The following ZNF592 variants were observed in gnomAD, a reference collection of about 807,000 sequenced individuals.
ZNF592 encodes spinocerebellar ataxia, autosomal recessive 5.
Under a neutral mutation model 80.3 loss-of-function variants are expected in ZNF592, and 11 were observed. The ratio of observed to expected loss-of-function variants is 0.14; its 90% CI spans 0.09 to 0.23. ZNF592 has a LOEUF of 0.23. Among genes scored for constraint, ZNF592 ranks in the 10% least tolerant of loss-of-function variants. The pLI is 1.00. For synonymous variants in ZNF592, 646 were observed against 640.3 expected (o/e 1.01, Z -0.13); for missense variants, 1,420 against 1,633.9 (o/e 0.87, Z 2.26).
chr15:84,787,782 C>A (rs981530143), intron 4 of ZNF592, among the ~76,000 whole-genome samples: 1 of 152,142 alleles, frequency 6.6e-6, no homozygotes, highest in African/African-American at 2.4e-5. Flanking sequence ...CAAAAAATGT[C>A]TTTTTACAGT....
At chr15:84,768,785 A>G (rs995508058) in intron 2 of ZNF592, among the ~76,000 whole-genome samples, 2 of 152,232 alleles carry the variant, frequency 1.3e-5, no homozygotes, top group Non-Finnish European at 2.9e-5. Context: ...GCGAGGTCCC[A>G]TAACCACTGA....
chr15:84,755,919 C>T lies in ZNF592; in HGVS notation c.-259+7255C>T, dbSNP rs190320926. On this transcript the variant is annotated intron_variant, in intron 1 of 10. Coordinates refer to ENST00000560079, the MANE Select transcript of ZNF592 (RefSeq NM_014630.3). ...CTGAATTCAGAGAGGCAGGGCTGCA[C>T]CTATCTGGGAGGAGCTGATGAGTAG... Among the ~76,000 whole-genome samples the T allele has an allele frequency of 3.9e-5, 6 of 152,294 alleles. No homozygotes were observed. The East Asian group carries it at 5.8e-4, about 15-fold the overall frequency.
chr15:84,766,958 C>T (rs1298088358), intron 2 of ZNF592, among the ~76,000 whole-genome samples: 1 of 151,932 alleles, frequency 6.6e-6, no homozygotes, highest in Non-Finnish European at 1.5e-5. Flanking sequence ...TCAAAACCAC[C>T]AAAGAAAGAG....
intron 10 of ZNF592, among the ~76,000 whole-genome samples, chr15:84,800,883 C>T (rs972366599): frequency 3.9e-5 from 6 of 152,190 alleles, no homozygotes; most frequent in African/African-American, 7.2e-5. Flanking sequence ...AAATGTCTGC[C>T]GTTGGGGACT....
At chr15:84,774,331 C>T (rs1309126924) in intron 2 of ZNF592, among the ~76,000 whole-genome samples, 2 of 152,178 alleles carry the variant, frequency 1.3e-5, no homozygotes, top group Non-Finnish European at 2.9e-5. Context: ...AAACTTACAT[C>T]CTAACATTCT....
At chr15:84,778,753 C>T (rs1010847303) in intron 3 of ZNF592, among the ~76,000 whole-genome samples, 9 of 152,184 alleles carry the variant, frequency 5.9e-5, no homozygotes, top group African/African-American at 2.2e-4. Context: ...CTACTTCCTG[C>T]TGAAAAGGGG....
Position 84,804,205 on chromosome 15 carries a change from C to T in ZNF592, c.*1812C>T, listed in dbSNP as rs1963182959. The T allele has an allele frequency of 1.3e-5, 2 of 152,226 alleles. No individual in the cohort carries two copies. The highest frequency in any genetic ancestry group is 4.8e-5 in the African/African-American group (2 of 41,438). The allele number at this position is 152,226 out of a possible 1,614,324, so 9.4% of individuals were successfully genotyped here. ...GCAGTGGGGCAACCCAGGCCTGTTT[C>T]CAGCTACCTGCAAAGCCAGACCTAG... is the stretch of plus-strand genomic sequence containing the variant. On this transcript the variant is annotated 3_prime_UTR_variant, in exon 11 of 11. Coordinates refer to ENST00000560079, the MANE Select transcript of ZNF592 (RefSeq NM_014630.3).
intron 3 of ZNF592, among the ~76,000 whole-genome samples, chr15:84,778,641 T>G (rs533763391): frequency 6.6e-6 from 1 of 152,194 alleles, no homozygotes; most frequent in Non-Finnish European, 1.5e-5. Context: ...TTTCCTGAGA[T>G]GCTTTAAGGC....
chr15:84,765,535 G>GGTT (rs1899483883), intron 2 of ZNF592, among the ~76,000 whole-genome samples: 5 of 92,280 alleles, frequency 5.4e-5, no homozygotes, highest in Admixed American at 1.5e-4. Flanking sequence ...TGTTATTATT[G>GGTT]TTTTTTTTTT....
At chr15:84,760,951 T>A (rs1408674345) in intron 1 of ZNF592, among the ~76,000 whole-genome samples, 1 of 151,040 alleles carries the variant, frequency 6.6e-6, no homozygotes, top group East Asian at 2.0e-4. Context: ...CCTAATATGG[T>A]AGGCTACAGG....
chr15:84,768,061 A>T lies in ZNF592; in HGVS notation c.-150+3246A>T, dbSNP rs76103401. Among the ~76,000 whole-genome samples, 504 of 137,496 alleles carry T rather than the reference A, an allele frequency of 3.7e-3. 3 individuals are homozygous for T. Among genetic ancestry groups the T allele is most frequent in the African/African-American group, 0.012 (445 of 38,138 alleles). 90.2% of individuals were successfully genotyped at this position (137,496 alleles called of 152,430 possible). On this transcript the variant is annotated intron_variant, in intron 2 of 10. Coordinates refer to ENST00000560079, the MANE Select transcript of ZNF592 (RefSeq NM_014630.3). ...CCAGCTAATTTTAATTTTAATTTTAATTTTTTTTTTTTGTAGAGATGGGGT... is the reference window on the plus strand; with the variant it reads ...CCAGCTAATTTTAATTTTAATTTTATTTTTTTTTTTTTGTAGAGATGGGGT...
chr15:84,752,525 T>C (rs1899042848), intron 1 of ZNF592, among the ~76,000 whole-genome samples: 1 of 152,166 alleles, frequency 6.6e-6, no homozygotes, highest in South Asian at 2.1e-4. Context: ...TCTAGGTAGA[T>C]AGAATCATAG....
intron 4 of ZNF592, among the ~76,000 whole-genome samples, chr15:84,790,451 G>A (rs924268845): frequency 5.9e-5 from 9 of 152,174 alleles, no homozygotes; most frequent in South Asian, 2.1e-4. Context: ...GTCCTGGGGC[G>A]GAACTGGTCT....
chr15:84,749,724 A>C (rs891051424), intron 1 of ZNF592, among the ~76,000 whole-genome samples: 2 of 152,064 alleles, frequency 1.3e-5, no homozygotes, highest in African/African-American at 2.4e-5. Flanking sequence ...AGTGCGGAGG[A>C]TGTGGACAGA....
chr15:84,754,187 C>A (rs1302383975), intron 1 of ZNF592, among the ~76,000 whole-genome samples: 1 of 152,196 alleles, frequency 6.6e-6, no homozygotes, highest in Non-Finnish European at 1.5e-5. Context: ...TATGGGCTGT[C>A]GTCCCCTGGT....
At position 84,759,954 on chromosome 15, in the gene ZNF592, TCCC is replaced by T. The variant is rs759072074; in HGVS notation, c.-258-4743_-258-4741del. 4.0e-5 allele frequency among the ~76,000 whole-genome samples: 2 copies of T among 49,718 alleles called. 1 individual carries two copies. The highest frequency in any genetic ancestry group is 1.9e-4 in the African/African-American group (2 of 10,398). 32.6% of individuals were successfully genotyped at this position (49,718 alleles called of 152,430 possible). ...CCAAGTCTTTAAGGATTGGGGAGAT[TCCC>T]CCCCCCCCCACCCTGCCATTTAAAA... On this transcript the variant is annotated intron_variant, in intron 1 of 10. Coordinates refer to ENST00000560079, the MANE Select transcript of ZNF592 (RefSeq NM_014630.3).
intron 1 of ZNF592, among the ~76,000 whole-genome samples, chr15:84,749,081 A>G (rs115447152): frequency 0.081 from 12,365 of 152,278 alleles, 671 homozygotes; most frequent in East Asian, 0.24. Context: ...CGCCGCCCGA[A>G]GAGCTGTCGC....
intron 1 of ZNF592, among the ~76,000 whole-genome samples, chr15:84,756,869 T>C (rs1422400892): frequency 6.6e-6 from 1 of 152,066 alleles, no homozygotes; most frequent in African/African-American, 2.4e-5. Flanking sequence ...CCCAGTACTT[T>C]GGGAGGCCGA....
At chr15:84,749,368 G>A (rs1185696332) in intron 1 of ZNF592, among the ~76,000 whole-genome samples, 1 of 152,200 alleles carries the variant, frequency 6.6e-6, no homozygotes, top group East Asian at 1.9e-4. Context: ...ATGGCCTCCT[G>A]GCCTTGGATC....
Sources: gnomAD v4.1 joint callset for allele counts (sites outside exome capture counted in the v4.1 genomes callset) on GRCh38, gnomAD v4.1.1 for gene constraint, MANE v1.5 for transcripts, NCBI Gene and HGNC (gene_info 2026-07-23, HGNC 2026-07-21) for gene names.